Variants in FRS2 observed in about 807,000 individuals in gnomAD.
FRS2 encodes the protein FGFR signalling adaptor.
Under a neutral mutation model 43.9 loss-of-function variants are expected in FRS2, and 8 were observed. The observed-to-expected ratio is 0.18, with a 90% CI of 0.11 to 0.33. The LOEUF is 0.33. Among genes scored for constraint, FRS2 ranks in the 10% least tolerant of loss-of-function variants. The pLI is 1.00. For missense variants in FRS2, 534 were observed against 627.6 expected, an observed-to-expected ratio of 0.85 and a Z score of 1.59; for synonymous variants, 219 against 220.3, an observed-to-expected ratio of 0.99 and a Z score of 0.05.
chr12:69,488,975 C>G (rs1194011551), intron 1 of FRS2, among the ~76,000 whole-genome samples: 3 of 152,092 alleles, frequency 2.0e-5, no homozygotes, highest in African/African-American at 4.8e-5. Flanking sequence ...GATTGGAGAG[C>G]TTTACTTTTG....
In FRS2 at chr12:69,477,708, G is replaced by C. The variant is rs560387551; in HGVS notation, c.-261+7178G>C. On this transcript the variant is annotated intron_variant, in intron 1 of 8. Transcript: ENST00000549921. Reference sequence around the variant, plus strand: ...TACTGTGCTTAAATATTTAATAGTAGCTTATTTATTTATTTATTTATTTAT... The same window carrying C: ...TACTGTGCTTAAATATTTAATAGTACCTTATTTATTTATTTATTTATTTAT... Among the ~76,000 whole-genome samples, 6 of 139,432 alleles carry C rather than the reference G, an allele frequency of 4.3e-5. No individual in the cohort carries two copies. In the South Asian group the frequency reaches 1.4e-3, roughly 32 times the overall value. 91.5% of individuals were successfully genotyped at this position (139,432 alleles called of 152,430 possible). A position where few individuals can be genotyped will look rare whatever the true frequency, so the allele number is the denominator to read the frequency against.
chr12:69,535,645 C>T (rs866948594), intron 3 of FRS2, among the ~76,000 whole-genome samples: 2 of 151,954 alleles, frequency 1.3e-5, no homozygotes, highest in Non-Finnish European at 2.9e-5. Context: ...AGAAAGAATG[C>T]AGCTTTTTCG....
At chr12:69,541,331 T>C (rs1877882704) in intron 3 of FRS2, among the ~76,000 whole-genome samples, 1 of 152,200 alleles carries the variant, frequency 6.6e-6, no homozygotes, top group Middle Eastern at 3.2e-3. Context: ...TTTATTAAAA[T>C]CTTAACTTCT....
chr12:69,542,126 G>T (rs1194883809), intron 3 of FRS2, among the ~76,000 whole-genome samples: 2 of 152,084 alleles, frequency 1.3e-5, no homozygotes, highest in African/African-American at 4.8e-5. Context: ...GTGGCGGGGG[G>T]TTATGTTCTG....
At chr12:69,472,284 G>A (rs1870380647) in intron 1 of FRS2, among the ~76,000 whole-genome samples, 2 of 146,762 alleles carry the variant, frequency 1.4e-5, no homozygotes, top group South Asian at 4.3e-4. Flanking sequence ...GTAGAGCCGA[G>A]GTTTCACTAT....
chr12:69,485,481 C>CTATT (rs901489667), intron 1 of FRS2, among the ~76,000 whole-genome samples: 11 of 149,782 alleles, frequency 7.3e-5, no homozygotes, highest in Non-Finnish European at 1.2e-4. Flanking sequence ...CGCGCCCAGC[C>CTATT]TATTTATTTA....
In FRS2 at chr12:69,569,110, G is replaced by T; in HGVS notation, c.66+14G>T. 1 of 1,539,122 alleles carries T rather than the reference G, an allele frequency of 6.5e-7. No homozygotes were observed. Among genetic ancestry groups the T allele is most frequent in the Non-Finnish European group, 9.0e-7 (1 of 1,113,924 alleles). ...AACAAGTTTAAGGTCAGTAAAACTGGTTGAGTTATATATCTTACTGCCTAG... is the reference window on the plus strand; with the variant it reads ...AACAAGTTTAAGGTCAGTAAAACTGTTTGAGTTATATATCTTACTGCCTAG... On this transcript the variant is annotated intron_variant, in intron 5 of 8. Coordinates refer to ENST00000549921, the MANE Select transcript of FRS2 (RefSeq NM_001278356.2).
At position 69,474,009 on chromosome 12, in the gene FRS2, A is replaced by G. The variant is rs111241253; in HGVS notation, c.-261+3479A>G. The stretch of plus-strand genomic sequence containing the variant: ...AGGTGCTCACCACCACGCCCAGCTA[A>G]CTTTTGTATTTTTAGTAGAGACGGG... On this transcript the variant is annotated intron_variant, in intron 1 of 8. Coordinates refer to ENST00000549921, the MANE Select transcript of FRS2 (RefSeq NM_001278356.2). Among the ~76,000 whole-genome samples the G allele has an allele frequency of 6.8e-3, 1,042 of 152,174 alleles. 8 individuals are homozygous for G. Among genetic ancestry groups the G allele is most frequent in the African/African-American group, 0.024 (1,002 of 41,508 alleles).
chr12:69,576,733 T>G lies in FRS2; in HGVS notation c.*1778T>G, dbSNP rs564477410. 1 of 152,652 alleles carries G rather than the reference T, an allele frequency of 6.6e-6. No homozygotes were observed. The highest frequency in any genetic ancestry group is 6.5e-5 in the Admixed American group (1 of 15,306). 9.5% of individuals were successfully genotyped at this position (152,652 alleles called of 1,614,324 possible). A position where few individuals can be genotyped will look rare whatever the true frequency, so the allele number is the denominator to read the frequency against. On this transcript the variant is annotated 3_prime_UTR_variant, in exon 9 of 9. Transcript: ENST00000549921. The stretch of plus-strand genomic sequence containing the variant: ...TATCGTTTTAGTGCCATTTTTAGTG[T>G]CTTTACTATAAATCAATATCAGTGT...
At chr12:69,526,880 C>T (rs186268805) in intron 1 of FRS2, among the ~76,000 whole-genome samples, 9 of 152,192 alleles carry the variant, frequency 5.9e-5, no homozygotes, top group South Asian at 2.1e-4. Flanking sequence ...CGTGCCACCA[C>T]GCCTGGCTAA....
intron 8 of FRS2, among the ~76,000 whole-genome samples, chr12:69,573,408 T>G (rs1318127206): frequency 6.6e-6 from 1 of 152,218 alleles, no homozygotes; most frequent in Non-Finnish European, 1.5e-5. Context: ...TTCCTGATTT[T>G]TATTTTTTAC....
At chr12:69,565,956 A>G (rs559078490) in intron 4 of FRS2, among the ~76,000 whole-genome samples, 1 of 150,628 alleles carries the variant, frequency 6.6e-6, no homozygotes, top group African/African-American at 2.5e-5. Flanking sequence ...AATGTGCTAT[A>G]GTTTTATACA....
rs553157262 is a variant in FRS2, at chr12:69,574,828, G to A, written c.1400G>A (p.Arg467His). 2.5e-6 allele frequency: 4 copies of A among 1,613,814 alleles called. No individual in the cohort carries two copies. The South Asian group carries it at 3.3e-5, about 13-fold the overall frequency. ...CCCCTTCCACAAACCCCTACCAGGC[G>A]CACAGAGCTGTATGCCGTGATAGAC... ...TTPLPQTPTR[R>H]TELYAVIDIE... The change falls in exon 9 of 9, where the codon CGC becomes CAC. Residue 467 changes from arginine to histidine, a missense_variant. Transcript: ENST00000549921.
At chr12:69,476,614 A>G (rs1870796548) in intron 1 of FRS2, among the ~76,000 whole-genome samples, 1 of 152,148 alleles carries the variant, frequency 6.6e-6, no homozygotes, top group Admixed American at 6.5e-5. Context: ...GGGTTATGTA[A>G]GTGGAGTCAC....
At chr12:69,519,596 C>G (rs1465466275) in intron 1 of FRS2, among the ~76,000 whole-genome samples, 1 of 125,772 alleles carries the variant, frequency 8.0e-6, no homozygotes, top group Non-Finnish European at 1.7e-5. Flanking sequence ...GTCTGTTGTT[C>G]CCCTCTTTGT....
intron 1 of FRS2, among the ~76,000 whole-genome samples, chr12:69,499,450 T>A (rs1325689082): frequency 1.3e-5 from 2 of 152,132 alleles, no homozygotes; most frequent in African/African-American, 4.8e-5. Context: ...ATTTCTACCA[T>A]GTACCATGTA....
chr12:69,564,091 AT>A lies in FRS2; in HGVS notation c.-27+1821del, dbSNP rs368108287. 2.2e-4 allele frequency among the ~76,000 whole-genome samples: 34 copies of A among 151,854 alleles called. No individual in the cohort carries two copies. In the South Asian group the frequency reaches 6.7e-3, roughly 30 times the overall value. On this transcript the variant is annotated intron_variant, in intron 4 of 8. Coordinates refer to ENST00000549921, the MANE Select transcript of FRS2 (RefSeq NM_001278356.2). ...CACACCGTAGCCCTCTCTATTCTTT[AT>A]TTTCTCAACCAGTTCTTCAAAGACC...
chr12:69,557,594 T>TTTTGTGTGTGTGTGTG (rs58679577), intron 3 of FRS2, among the ~76,000 whole-genome samples: 2 of 137,024 alleles, frequency 1.5e-5, no homozygotes, highest in Admixed American at 7.2e-5. Flanking sequence ...TGAAGGTTGA[T>TTTTGTGTGTGTGTGTG]TGTGTGTGTG....
intron 1 of FRS2, among the ~76,000 whole-genome samples, chr12:69,515,124 A>G (rs1874862949): frequency 6.6e-6 from 1 of 152,258 alleles, no homozygotes; most frequent in African/African-American, 2.4e-5. Context: ...TAGTGATAGC[A>G]GTGTTGGGAT....
Sources: gnomAD v4.1 joint callset for allele counts (sites outside exome capture counted in the v4.1 genomes callset) on GRCh38, gnomAD v4.1.1 for gene constraint, MANE v1.5 for transcripts, NCBI Gene and HGNC (gene_info 2026-07-23, HGNC 2026-07-21) for gene names.